PPP1R7: variants seen among roughly 807,000 people sequenced by gnomAD.
The protein encoded by PPP1R7 is protein phosphatase 1 regulatory subunit 7, also known as protein phosphatase 1 regulatory subunit 22.
A neutral mutation model predicts 45.2 loss-of-function variants in PPP1R7; 18 were observed. The observed-to-expected ratio is 0.40, with a 90% CI of 0.28 to 0.59. The LOEUF is 0.59. Among genes scored for constraint, PPP1R7 ranks in the 20% least tolerant of loss-of-function variants. The pLI, the probability that PPP1R7 is intolerant of heterozygous loss-of-function variation, is 0.46. For synonymous variants in PPP1R7, 181 were observed against 183.4 expected (o/e 0.99, Z 0.11); for missense variants, 314 against 455.8 (o/e 0.69, Z 2.83).
intron 9 of PPP1R7, among the ~76,000 whole-genome samples, chr2:241,171,505 C>T (rs1446376940): frequency 6.6e-6 from 1 of 152,204 alleles, no homozygotes; most frequent in East Asian, 1.9e-4. Flanking sequence ...GCTCATATCA[C>T]ATTTGAGAGG....
intron 4 of PPP1R7, chr2:241,158,912 A>C: frequency 2.4e-6 from 1 of 418,454 alleles, no homozygotes; most frequent in African/African-American, 2.0e-5. Context: ...ATGTTCTGCC[A>C]GGAAGTGGCA....
At chr2:241,173,178 A>G (rs1216518728) in intron 9 of PPP1R7, among the ~76,000 whole-genome samples, 1 of 147,542 alleles carries the variant, frequency 6.8e-6, no homozygotes, top group Non-Finnish European at 1.5e-5. Context: ...AGGCTGAGAC[A>G]GGAGAATCGC....
chr2:241,169,015 T>G (rs2067769348), intron 8 of PPP1R7, among the ~76,000 whole-genome samples: 1 of 152,208 alleles, frequency 6.6e-6, no homozygotes, highest in Non-Finnish European at 1.5e-5. Context: ...TGTAAATGTT[T>G]TCCTTTTGAT....
intron 2 of PPP1R7, among the ~76,000 whole-genome samples, chr2:241,154,264 G>A (rs1227001466): frequency 2.0e-5 from 3 of 150,286 alleles, no homozygotes; most frequent in Non-Finnish European, 3.0e-5. Flanking sequence ...AATGAGATTC[G>A]AAATAAATGT....
At chr2:241,163,221 C>T in intron 6 of PPP1R7, 64 bp from the exon 7 acceptor site, 1 of 1,098,694 alleles carries the variant, frequency 9.1e-7, no homozygotes, top group Non-Finnish European at 1.4e-6. Flanking sequence ...GGTCCAGGCA[C>T]CTGCTGGCTG....
At chr2:241,152,425 C>T (rs778370880) in intron 1 of PPP1R7, among the ~76,000 whole-genome samples, 3 of 152,166 alleles carry the variant, frequency 2.0e-5, no homozygotes, top group Non-Finnish European at 2.9e-5. Flanking sequence ...GTCACAGAGA[C>T]GAGTTAGGAG....
upstream of PPP1R7, chr2:241,149,679 C>T (rs1001949053): frequency 7.8e-6 from 12 of 1,548,228 alleles, no homozygotes; most frequent in African/African-American, 1.2e-4. Context: ...CGGGCAGATG[C>T]GGTTTCCTCC....
At chr2:241,154,485 C>G (rs1283663261) in intron 2 of PPP1R7, among the ~76,000 whole-genome samples, 1 of 151,972 alleles carries the variant, frequency 6.6e-6, no homozygotes, top group African/African-American at 2.4e-5. Flanking sequence ...GTCAGGAGTT[C>G]GAGACCAGCC....
chr2:241,163,788 G>A (rs2067647566), intron 7 of PPP1R7, among the ~76,000 whole-genome samples: 1 of 152,040 alleles, frequency 6.6e-6, no homozygotes, highest in African/African-American at 2.4e-5. Flanking sequence ...TCAAGGGGGT[G>A]AGGAATGGAA....
chr2:241,170,924 C>T (rs1047950297), intron 9 of PPP1R7, among the ~76,000 whole-genome samples: 1 of 151,988 alleles, frequency 6.6e-6, no homozygotes, highest in African/African-American at 2.4e-5. Context: ...TGCAGCCCAC[C>T]CTTGAAGGAA....
intron 7 of PPP1R7, among the ~76,000 whole-genome samples, chr2:241,164,452 G>A (rs1192531676): frequency 2.0e-5 from 3 of 152,228 alleles, no homozygotes; most frequent in Non-Finnish European, 2.9e-5. Flanking sequence ...AAGCAAATTA[G>A]CAGAATTGGA....
intron 6 of PPP1R7, 30 bp from the exon 7 acceptor site, chr2:241,163,255 G>A (rs757268832): frequency 6.7e-7 from 1 of 1,488,738 alleles, no homozygotes; most frequent in South Asian, 1.1e-5. Flanking sequence ...GTCAACTGCA[G>A]TACTCATTGC....
chr2:241,151,318 T>G (rs1210763312), intron 1 of PPP1R7, among the ~76,000 whole-genome samples: 2 of 152,016 alleles, frequency 1.3e-5, no homozygotes, highest in Non-Finnish European at 2.9e-5. Flanking sequence ...GGTACAGACC[T>G]CCCAGAAGAG....
intron 9 of PPP1R7, 65 bp from the exon 10 acceptor site, chr2:241,182,582 A>C: frequency 6.3e-7 from 1 of 1,579,962 alleles, no homozygotes; most frequent in South Asian, 1.1e-5. Context: ...TGGCTAGTGG[A>C]CCCCACCAGA....
chr2:241,149,660 C>T (rs892334584), upstream of PPP1R7: 5 of 1,543,522 alleles, frequency 3.2e-6, no homozygotes, highest in African/African-American at 5.5e-5. Flanking sequence ...GGCGCCTCCG[C>T]CCCCGGGCCG....
chr2:241,163,552 T>C (rs536468042), intron 7 of PPP1R7, 151 bp downstream of exon 7: 7 of 612,238 alleles, frequency 1.1e-5, no homozygotes, highest in African/African-American at 1.9e-5. Flanking sequence ...CCATAGACTT[T>C]ATACACACAT....
chr2:241,169,951 A>G, intron 9 of PPP1R7, 84 bp downstream of exon 9: 1 of 1,147,720 alleles, frequency 8.7e-7, no homozygotes, highest in South Asian at 1.3e-5. Context: ...GAATACAAGA[A>G]TCTCCTGTAA....
At chr2:241,155,850 C>T (rs1321070142) in intron 2 of PPP1R7, among the ~76,000 whole-genome samples, 3 of 152,204 alleles carry the variant, frequency 2.0e-5, no homozygotes, top group Non-Finnish European at 4.4e-5. Context: ...AGTTTATGAA[C>T]GGTGACTTGA....
At chr2:241,150,615 T>C (rs1294237768) in intron 1 of PPP1R7, 68 bp downstream of exon 1, 2 of 1,481,034 alleles carry the variant, frequency 1.4e-6, no homozygotes, top group Non-Finnish European at 1.8e-6. Context: ...CTGGAACTGC[T>C]CCGTGCCTGA....
Sources: allele counts gnomAD v4.1 joint callset (sites outside exome capture counted in the v4.1 genomes callset), GRCh38; gene constraint gnomAD v4.1.1; transcripts MANE v1.5; gene names NCBI Gene and HGNC (gene_info 2026-07-23, HGNC 2026-07-21).